OPCML: variants seen among roughly 807,000 people sequenced by gnomAD.
The protein encoded by OPCML is opioid binding protein/cell adhesion molecule like, also known as opioid-binding protein/cell adhesion molecule.
A neutral mutation model predicts 37.8 loss-of-function variants in OPCML; 13 were observed. That is an observed-to-expected ratio of 0.34 (90% CI 0.22 to 0.55). The LOEUF (loss-of-function observed/expected upper bound fraction) is 0.55, where lower values mean the gene tolerates loss of function less well. Among genes scored for constraint, OPCML ranks in the 20% least tolerant of loss-of-function variants. The pLI is 0.91. For synonymous variants in OPCML, 176 were observed against 168.8 expected, an observed-to-expected ratio of 1.04 and a Z score of -0.33; for missense variants, 341 against 435.6, an observed-to-expected ratio of 0.78 and a Z score of 1.93.
intron 2 of OPCML, among the ~76,000 whole-genome samples, chr11:132,891,592 A>T (rs946736038): frequency 3.3e-5 from 5 of 152,332 alleles, no homozygotes; most frequent in Admixed American, 2.6e-4. Context: ...ATAAACTAGA[A>T]TATCAACGCC....
Position 133,207,938 on chromosome 11 carries a change from T to C in OPCML, c.62-264928A>G, listed in dbSNP as rs1237014873. Among the ~76,000 whole-genome samples, 4 of 152,194 alleles carry C rather than the reference T, an allele frequency of 2.6e-5. No homozygotes were observed. In the South Asian group the frequency reaches 6.2e-4, roughly 24 times the overall value. Reference sequence around the variant, plus strand: ...TACTTCGCCGCAGGGTCTTCATTCATGCTGTGTTTTTGCCTGAAAAATATT... The same window carrying C: ...TACTTCGCCGCAGGGTCTTCATTCACGCTGTGTTTTTGCCTGAAAAATATT... On this transcript the variant is annotated intron_variant, in intron 1 of 7. Coordinates refer to ENST00000524381, the MANE Select transcript of OPCML (RefSeq NM_001012393.5).
chr11:133,515,510 G>T (rs1948247366), intron 1 of OPCML, among the ~76,000 whole-genome samples: 1 of 152,168 alleles, frequency 6.6e-6, no homozygotes, highest in South Asian at 2.1e-4. Flanking sequence ...GAAAAGCCAT[G>T]CCATAGGGAT....
chr11:133,066,678 GTT>G (rs1409238834), intron 1 of OPCML: 2 of 153,064 alleles, frequency 1.3e-5, no homozygotes, highest in African/African-American at 4.8e-5. Flanking sequence ...GTTTGTTTTT[GTT>G]TTGTTTTGTT....
rs141920436 is a variant in OPCML at position 133,289,219 on chromosome 11, G to T, written c.61+243045C>A. The stretch of plus-strand genomic sequence containing the variant: ...GATAGTAAACCCTGATTTAGGAAAT[G>T]TTCACATAAGAAATAAGGCAAATAC... On this transcript the variant is annotated intron_variant, in intron 1 of 7. Transcript: ENST00000524381. 1.4e-4 allele frequency among the ~76,000 whole-genome samples: 21 copies of T among 152,290 alleles called. No homozygotes were observed. In the East Asian group the frequency reaches 3.9e-3, roughly 28 times the overall value.
chr11:133,069,102 A>G (rs1948484245), intron 1 of OPCML, among the ~76,000 whole-genome samples: 1 of 152,208 alleles, frequency 6.6e-6, no homozygotes, highest in Non-Finnish European at 1.5e-5. Flanking sequence ...CGGTGTAGTA[A>G]AAAGAACGCT....
At chr11:133,277,489 T>C (rs1942026395) in intron 1 of OPCML, among the ~76,000 whole-genome samples, 1 of 152,120 alleles carries the variant, frequency 6.6e-6, no homozygotes. Context: ...GAAGTTAAAA[T>C]CTCATGCAGA....
At chr11:133,195,271 T>G (rs575852797) in intron 1 of OPCML, among the ~76,000 whole-genome samples, 99 of 152,294 alleles carry the variant, frequency 6.5e-4, no homozygotes, top group African/African-American at 2.4e-3. Context: ...TTGACCACCA[T>G]TATTCTAATC....
intron 2 of OPCML, among the ~76,000 whole-genome samples, chr11:132,785,935 C>T (rs948498658): frequency 1.2e-4 from 18 of 152,298 alleles, no homozygotes; most frequent in South Asian, 6.2e-4. Flanking sequence ...TTTGGAGAAA[C>T]ACAAGATTCC....
chr11:133,051,694 C>G (rs767474854), intron 1 of OPCML, among the ~76,000 whole-genome samples: 2 of 152,176 alleles, frequency 1.3e-5, no homozygotes, highest in Non-Finnish European at 2.9e-5. Flanking sequence ...TAAGCCTCTC[C>G]CCACAACCAT....
intron 1 of OPCML, chr11:133,302,603 T>A (rs991844162): frequency 6.6e-6 from 1 of 152,228 alleles, no homozygotes; most frequent in Non-Finnish European, 1.5e-5. Flanking sequence ...CTACTTCAGG[T>A]AACAGTATAT....
intron 1 of OPCML, among the ~76,000 whole-genome samples, chr11:133,397,812 C>G (rs1945319635): frequency 6.6e-6 from 1 of 152,102 alleles, no homozygotes; most frequent in African/African-American, 2.4e-5. Context: ...ACCTTCAACC[C>G]CATTTTTATA....
intron 2 of OPCML, among the ~76,000 whole-genome samples, chr11:132,936,603 G>A (rs575557402): frequency 1.2e-4 from 18 of 152,088 alleles, no homozygotes; most frequent in Non-Finnish European, 2.1e-4. Context: ...ATCCTGTAGT[G>A]GCGCTAGGTA....
At chr11:133,176,707 T>C (rs1439988774) in intron 1 of OPCML, among the ~76,000 whole-genome samples, 1 of 152,210 alleles carries the variant, frequency 6.6e-6, no homozygotes, top group Non-Finnish European at 1.5e-5. Flanking sequence ...GCCAGCACCA[T>C]GCTTCCTGTA....
intron 3 of OPCML, among the ~76,000 whole-genome samples, chr11:132,565,445 G>A (rs2096420246): frequency 6.6e-6 from 1 of 152,172 alleles, no homozygotes; most frequent in South Asian, 2.1e-4. Flanking sequence ...TGACTCCAGT[G>A]CATGAATGGA....
chr11:133,007,905 T>C (rs1947142457), intron 1 of OPCML: 1 of 985,354 alleles, frequency 1.0e-6, no homozygotes, highest in Non-Finnish European at 1.2e-6. Context: ...GGATATGTTG[T>C]CCTGCATTTG....
At chr11:133,083,709 G>A (rs139843157) in intron 1 of OPCML, among the ~76,000 whole-genome samples, 1 of 152,308 alleles carries the variant, frequency 6.6e-6, no homozygotes, top group Admixed American at 6.5e-5. Flanking sequence ...TCGCCACTGG[G>A]GAGAGACCAC....
intron 1 of OPCML, among the ~76,000 whole-genome samples, chr11:133,372,695 C>T (rs1592242953): frequency 6.6e-6 from 1 of 152,314 alleles, no homozygotes; most frequent in East Asian, 1.9e-4. Flanking sequence ...ATTAGGTTAA[C>T]CTTGAGATTC....
chr11:133,064,013 T>C (rs1367894106), intron 1 of OPCML, among the ~76,000 whole-genome samples: 1 of 152,098 alleles, frequency 6.6e-6, no homozygotes. Flanking sequence ...GATATGGCTT[T>C]AATTTTCTTT....
chr11:132,994,266 C>T (rs767852119), intron 1 of OPCML, among the ~76,000 whole-genome samples: 9 of 152,314 alleles, frequency 5.9e-5, no homozygotes, highest in African/African-American at 1.7e-4. Flanking sequence ...GGGGCTTTTA[C>T]GGCCGGAACT....
Sources: gnomAD v4.1 joint callset for allele counts (sites outside exome capture counted in the v4.1 genomes callset) on GRCh38, gnomAD v4.1.1 for gene constraint, MANE v1.5 for transcripts, NCBI Gene and HGNC (gene_info 2026-07-23, HGNC 2026-07-21) for gene names.